Variants in FGF14 observed in about 807,000 individuals in gnomAD.
The protein encoded by FGF14 is fibroblast growth factor 14.
A neutral mutation model predicts 25.5 loss-of-function variants in FGF14; 5 were observed. The ratio of observed to expected loss-of-function variants is 0.20; its 90% CI spans 0.10 to 0.41. The LOEUF is 0.41. Among genes scored for constraint, FGF14 ranks in the 10% least tolerant of loss-of-function variants. The pLI is 1.00. For missense variants in FGF14, 222 were observed against 320.1 expected (o/e 0.69, Z 2.34); for synonymous variants, 138 against 118.3 (o/e 1.17, Z -1.08).
At chr13:102,337,191 C>G (rs1365987873) in intron 1 of FGF14, among the ~76,000 whole-genome samples, 1 of 152,198 alleles carries the variant, frequency 6.6e-6, no homozygotes, top group Non-Finnish European at 1.5e-5. Flanking sequence ...AAAGGATCCA[C>G]TGTTCCAGAT....
intron 1 of FGF14, among the ~76,000 whole-genome samples, chr13:102,082,217 C>A: frequency 6.7e-6 from 1 of 148,272 alleles, no homozygotes. Flanking sequence ...ATTCTATTAT[C>A]TCATAGAAGG....
In FGF14 at chr13:101,946,363, C is replaced by CAAAAA. The variant is rs59866034; in HGVS notation, c.209-71072_209-71068dup. On this transcript the variant is annotated intron_variant, in intron 1 of 4. Coordinates refer to the FGF14 transcript ENST00000376131. ...TTAATAAAAGCAGCTGCTTCTCCAT[C>CAAAAA]AAAAAAAAAAAAAAAAAAAAAGAGG... Among the ~76,000 whole-genome samples the CAAAAA allele has an allele frequency of 1.1e-3, 104 of 91,920 alleles. 3 individuals carry two copies. Among genetic ancestry groups the CAAAAA allele is most frequent in the African/African-American group, 3.2e-3 (90 of 27,902 alleles). The allele number at this position is 91,920 out of a possible 152,430, so 60.3% of individuals were successfully genotyped here.
intron 1 of FGF14, among the ~76,000 whole-genome samples, chr13:102,135,520 T>A (rs1436169142): frequency 1.3e-5 from 2 of 152,256 alleles, no homozygotes; most frequent in African/African-American, 4.8e-5. Flanking sequence ...GTTGTTTTTA[T>A]TACAAATAGT....
chr13:101,903,256 T>G (rs2031802463), intron 1 of FGF14, among the ~76,000 whole-genome samples: 1 of 152,040 alleles, frequency 6.6e-6, no homozygotes, highest in Non-Finnish European at 1.5e-5. Context: ...TGTGTGTGTG[T>G]GTGTGGTCAT....
chr13:102,322,180 C>G lies in FGF14; in HGVS notation c.208+79291G>C, dbSNP rs138282844. On this transcript the variant is annotated intron_variant, in intron 1 of 4. Transcript: ENST00000376131. ...ACACCTACATATTGTCTCTAAATGTCATGCTAAGATGTACAGGGTATTGCC... is the reference window on the plus strand; with the variant it reads ...ACACCTACATATTGTCTCTAAATGTGATGCTAAGATGTACAGGGTATTGCC... 3.4e-3 allele frequency among the ~76,000 whole-genome samples: 524 copies of G among 152,310 alleles called. 1 individual carries two copies. The highest frequency in any genetic ancestry group is 0.012 in the African/African-American group (492 of 41,570).
chr13:101,726,574 A>G, intron 4 of FGF14, 38 bp downstream of exon 4: 1 of 1,572,930 alleles, frequency 6.4e-7, no homozygotes, highest in Non-Finnish European at 8.7e-7. Context: ...AAAATATGTA[A>G]TAAGTCTATG....
chr13:102,065,018 C>CA (rs1387087902), intron 1 of FGF14, among the ~76,000 whole-genome samples: 6 of 151,922 alleles, frequency 3.9e-5, no homozygotes, highest in African/African-American at 1.4e-4. Flanking sequence ...AATATAATGT[C>CA]ACTCTCTTTT....
chr13:102,135,094 G>GT (rs1203604864), intron 1 of FGF14, among the ~76,000 whole-genome samples: 1 of 151,344 alleles, frequency 6.6e-6, no homozygotes, highest in East Asian at 1.9e-4. Flanking sequence ...AATAATACTA[G>GT]TTACTTGGAA....
At position 101,714,276 on chromosome 13, in the gene FGF14, CAGTA is replaced by C. The variant is rs2034614306; in HGVS notation, c.*8551_*8554del. 3 of 612,300 alleles carry C rather than the reference CAGTA, an allele frequency of 4.9e-6. No homozygotes were observed. The East Asian group carries it at 8.2e-5, about 17-fold the overall frequency. 37.9% of individuals were successfully genotyped at this position (612,300 alleles called of 1,614,324 possible). ...TTTCCTGGGTGACCTTTATGAATTACAGTAAGTAAAGCTCCCCTCTGAGAAACCA... is the reference window on the plus strand; with the variant it reads ...TTTCCTGGGTGACCTTTATGAATTACAGTAAAGCTCCCCTCTGAGAAACCA... On this transcript the variant is annotated 3_prime_UTR_variant, in exon 5 of 5. Coordinates refer to ENST00000376143, the MANE Select transcript of FGF14 (RefSeq NM_004115.4).
At chr13:101,823,824 T>A (rs1171475754) in intron 3 of FGF14, among the ~76,000 whole-genome samples, 1 of 149,558 alleles carries the variant, frequency 6.7e-6, no homozygotes, top group East Asian at 1.9e-4. Flanking sequence ...CATATATCTT[T>A]TATATATATA....
At chr13:102,278,335 G>A (rs1351638973) in intron 1 of FGF14, among the ~76,000 whole-genome samples, 1 of 152,166 alleles carries the variant, frequency 6.6e-6, no homozygotes, top group Non-Finnish European at 1.5e-5. Context: ...GCCCTTCACA[G>A]AGGAAGCAGC....
At chr13:102,312,172 C>T (rs1408949517) in intron 1 of FGF14, among the ~76,000 whole-genome samples, 1 of 148,960 alleles carries the variant, frequency 6.7e-6, no homozygotes, top group African/African-American at 2.5e-5. Context: ...CTCTTTTGTA[C>T]TCTCTGACTT....
intron 1 of FGF14, among the ~76,000 whole-genome samples, chr13:101,984,258 C>T (rs990758805): frequency 2.0e-4 from 31 of 152,012 alleles, no homozygotes; most frequent in Non-Finnish European, 1.0e-4. Context: ...GCACCTTCTC[C>T]GTATTTCACA....
At chr13:102,246,232 A>G (rs943098057) in intron 1 of FGF14, among the ~76,000 whole-genome samples, 3 of 152,088 alleles carry the variant, frequency 2.0e-5, no homozygotes, top group African/African-American at 7.2e-5. Flanking sequence ...ATCATACTCA[A>G]TATGAGAATT....
At chr13:102,132,288 A>G (rs574210432) in intron 1 of FGF14, among the ~76,000 whole-genome samples, 2 of 152,298 alleles carry the variant, frequency 1.3e-5, no homozygotes, top group Admixed American at 6.5e-5. Flanking sequence ...AAGAAAGAAA[A>G]TACAAAATAT....
Position 102,279,728 on chromosome 13 carries a change from T to G in FGF14, c.208+121743A>C, listed in dbSNP as rs945622. Among the ~76,000 whole-genome samples, 5 of 151,202 alleles carry G rather than the reference T, an allele frequency of 3.3e-5. No individual in the cohort carries two copies. In the South Asian group the frequency reaches 1.0e-3, roughly 31 times the overall value. On this transcript the variant is annotated intron_variant, in intron 1 of 4. Coordinates refer to the FGF14 transcript ENST00000376131. Reference sequence around the variant, plus strand: ...TTAAAAAAAGTAAGTTAAAAAAAAATTGAACCCTTCTTGGAAACAACACAG... The same window carrying G: ...TTAAAAAAAGTAAGTTAAAAAAAAAGTGAACCCTTCTTGGAAACAACACAG...
chr13:101,956,087 A>G (rs555360377), intron 1 of FGF14, among the ~76,000 whole-genome samples: 5 of 152,206 alleles, frequency 3.3e-5, no homozygotes, highest in African/African-American at 1.2e-4. Flanking sequence ...TCATCATCTC[A>G]AAATATTTCC....
intron 1 of FGF14, among the ~76,000 whole-genome samples, chr13:102,109,847 C>T (rs377429854): frequency 2.0e-5 from 3 of 151,962 alleles, no homozygotes; most frequent in Non-Finnish European, 2.9e-5. Context: ...CTCGAACTCC[C>T]GACCTCAGGT....
chr13:101,894,023 C>CTTT (rs60213924), intron 1 of FGF14, among the ~76,000 whole-genome samples: 12 of 143,960 alleles, frequency 8.3e-5, no homozygotes, highest in African/African-American at 3.0e-4. Context: ...CCTTTCCTGG[C>CTTT]TTTTTTTTTT....
Sources: gnomAD v4.1 joint callset for allele counts (sites outside exome capture counted in the v4.1 genomes callset) on GRCh38, gnomAD v4.1.1 for gene constraint, MANE v1.5 for transcripts, NCBI Gene and HGNC (gene_info 2026-07-23, HGNC 2026-07-21) for gene names.